Variants in SLC25A37 observed in about 807,000 individuals in gnomAD.
The protein encoded by SLC25A37 is solute carrier family 25 member 37, also known as mitoferrin-1.
Under a neutral mutation model 31.0 loss-of-function variants are expected in SLC25A37, and 17 were observed. That is an observed-to-expected ratio of 0.55 (90% CI 0.38 to 0.82). The LOEUF is 0.82. Ranked by LOEUF, SLC25A37 falls within the 40% of genes least tolerant of loss-of-function variation. The pLI is 0.00. For synonymous variants in SLC25A37, 222 were observed against 193.0 expected (o/e 1.15, Z -1.24); for missense variants, 404 against 465.8 (o/e 0.87, Z 1.22).
At position 23,571,544 on chromosome 8, in the gene SLC25A37, T is replaced by A. The variant is rs1024945816; in HGVS notation, c.706T>A (p.Ser236Thr). ...CCCCCACCGGACCTACAACCCGCAG[T>A]CCCACATCATCTCAGGCGGGCTGGC... ...VNPHRTYNPQ[S>T]HIISGGLAGA... Residue 236 changes from serine (S) to threonine (T), a missense_variant, in exon 4 of 4, where the codon TCC becomes ACC. Ser to Thr is a moderately conservative substitution (Grantham distance 58, BLOSUM62 1). Transcript: ENST00000519973. The A allele has an allele frequency of 8.1e-6, 13 of 1,613,826 alleles. No homozygotes were observed. Among genetic ancestry groups the A allele is most frequent in the Non-Finnish European group, 1.1e-5 (13 of 1,179,818 alleles).
chr8:23,566,181 T>G lies in SLC25A37; in HGVS notation c.284T>G (p.Met95Arg). The G allele has an allele frequency of 1.2e-6, 2 of 1,606,772 alleles. No homozygotes were observed. The change falls in exon 2 of 4, where the codon ATG (methionine) becomes AGG (arginine). Residue 95 changes from methionine (M) to arginine (R), a missense_variant. Met to Arg is a moderately conservative substitution (Grantham distance 91, BLOSUM62 -1). Transcript: ENST00000519973. ...TSIYGALKKI[M>R]RTEGFWRPLR... ...ATCTACGGAGCCCTCAAGAAAATCATGCGGACCGAAGGCTTCTGGAGGCCC... is the reference window on the plus strand; with the variant it reads ...ATCTACGGAGCCCTCAAGAAAATCAGGCGGACCGAAGGCTTCTGGAGGCCC...
At chr8:23,533,042 CT>C (rs141710751) in intron 1 of SLC25A37, among the ~76,000 whole-genome samples, 2,035 of 152,344 alleles carry the variant, frequency 0.013, 45 homozygotes, top group African/African-American at 0.046. Flanking sequence ...TCACATCCCC[CT>C]GCTCCCTTCT....
At chr8:23,551,732 A>G (rs1802231210) in intron 1 of SLC25A37, among the ~76,000 whole-genome samples, 1 of 152,136 alleles carries the variant, frequency 6.6e-6, no homozygotes, top group South Asian at 2.1e-4. Context: ...AGAGAACTGA[A>G]GTGAGTCGCC....
intron 1 of SLC25A37, among the ~76,000 whole-genome samples, chr8:23,544,671 G>C (rs1381543802): frequency 6.6e-6 from 1 of 152,166 alleles, no homozygotes; most frequent in African/African-American, 2.4e-5. Context: ...AGATGTGGAT[G>C]TTACAACTAA....
rs369957140 is a variant in SLC25A37 at position 23,566,350 on chromosome 8, G to A, written c.439+14G>A. ...ACCTAGCCAACGGTATTTTGAAAGC[G>A]TTTGTCTGGAGTTAGAAAGTTCTCT... On this transcript the variant is annotated intron_variant, in intron 2 of 3. Coordinates refer to ENST00000519973, the MANE Select transcript of SLC25A37 (RefSeq NM_016612.4). 25 of 1,597,674 alleles carry A rather than the reference G, an allele frequency of 1.6e-5. No homozygotes were observed. Among genetic ancestry groups the A allele is most frequent in the Non-Finnish European group, 1.5e-5 (18 of 1,175,078 alleles).
At chr8:23,556,424 C>G (rs1802367606) in intron 1 of SLC25A37, among the ~76,000 whole-genome samples, 1 of 151,864 alleles carries the variant, frequency 6.6e-6, no homozygotes, top group Admixed American at 6.6e-5. Flanking sequence ...TGGGGTCTTG[C>G]TATGTTGTCC....
intron 1 of SLC25A37, among the ~76,000 whole-genome samples, chr8:23,538,058 G>GA (rs34577086): frequency 2.1e-4 from 31 of 147,014 alleles, no homozygotes; most frequent in Admixed American, 4.7e-4. Context: ...TAAAAAAGAT[G>GA]AAAAAAAAAA....
intron 3 of SLC25A37, chr8:23,568,708 C>T (rs978710037): frequency 2.8e-5 from 9 of 318,318 alleles, no homozygotes; most frequent in Admixed American, 1.3e-4. Context: ...TTTGGGAGGC[C>T]GAGGTGGGCA....
At chr8:23,547,720 T>G (rs1802105499) in intron 1 of SLC25A37, among the ~76,000 whole-genome samples, 1 of 152,250 alleles carries the variant, frequency 6.6e-6, no homozygotes, top group South Asian at 2.1e-4. Context: ...GTTGGGCCCC[T>G]GCATTCCAAG....
chr8:23,552,690 G>A (rs747139243), intron 1 of SLC25A37, among the ~76,000 whole-genome samples: 4 of 152,148 alleles, frequency 2.6e-5, no homozygotes, highest in Non-Finnish European at 2.9e-5. Flanking sequence ...GGGCAGAGAC[G>A]GTCTTTGAGC....
chr8:23,567,950 G>A, intron 2 of SLC25A37: 1 of 322,098 alleles, frequency 3.1e-6, no homozygotes. Context: ...GGCAAAGTGA[G>A]TTAATGTGTA....
At chr8:23,552,472 G>A (rs927829013) in intron 1 of SLC25A37, among the ~76,000 whole-genome samples, 5 of 152,142 alleles carry the variant, frequency 3.3e-5, no homozygotes, top group African/African-American at 9.7e-5. Context: ...GGCTGGCGTG[G>A]GGTAGAAGCT....
At chr8:23,538,241 C>T (rs961802376) in intron 1 of SLC25A37, among the ~76,000 whole-genome samples, 1 of 151,386 alleles carries the variant, frequency 6.6e-6, no homozygotes, top group Non-Finnish European at 1.5e-5. Context: ...ATTAGCTGGG[C>T]GTGGTGGTGG....
At chr8:23,570,949 A>G (rs1226658458) in intron 3 of SLC25A37, among the ~76,000 whole-genome samples, 2 of 151,662 alleles carry the variant, frequency 1.3e-5, no homozygotes, top group Non-Finnish European at 2.9e-5. Context: ...CAGAGGGGAC[A>G]GGGGACAGGA....
intron 1 of SLC25A37, among the ~76,000 whole-genome samples, chr8:23,553,894 G>A (rs960470524): frequency 6.6e-6 from 1 of 152,228 alleles, no homozygotes; most frequent in Non-Finnish European, 1.5e-5. Flanking sequence ...ACATTAACAA[G>A]TAAGGATTTA....
intron 1 of SLC25A37, among the ~76,000 whole-genome samples, chr8:23,537,195 CA>C (rs71550712): frequency 0.062 from 7,304 of 117,142 alleles, 298 homozygotes; most frequent in East Asian, 0.15. Flanking sequence ...GACCCTGTCT[CA>C]AAAAAAAAAA....
At chr8:23,566,458 C>T in intron 2 of SLC25A37, 122 bp downstream of exon 2, 1 of 1,482,382 alleles carries the variant, frequency 6.7e-7, no homozygotes, top group Non-Finnish European at 8.9e-7. Context: ...GAATAAAGAA[C>T]TCAGAGTTGT....
intron 1 of SLC25A37, among the ~76,000 whole-genome samples, chr8:23,553,702 C>T (rs1802288912): frequency 6.6e-6 from 1 of 152,212 alleles, no homozygotes; most frequent in African/African-American, 2.4e-5. Flanking sequence ...GTTAATGTCT[C>T]AAGCGCTTCT....
intron 1 of SLC25A37, among the ~76,000 whole-genome samples, chr8:23,533,624 C>G (rs558698271): frequency 6.6e-6 from 1 of 152,370 alleles, no homozygotes; most frequent in East Asian, 1.9e-4. Context: ...TCTGACTCAT[C>G]GGATGAACTC....
Sources: allele counts gnomAD v4.1 joint callset (sites outside exome capture counted in the v4.1 genomes callset), GRCh38; gene constraint gnomAD v4.1.1; transcripts MANE v1.5; gene names NCBI Gene and HGNC (gene_info 2026-07-23, HGNC 2026-07-21).